Variants in IQCM observed in about 807,000 individuals in gnomAD.
The protein encoded by IQCM is IQ domain-containing protein M.
A neutral mutation model predicts 57.6 loss-of-function variants in IQCM; 45 were observed. The observed-to-expected ratio is 0.78, with a 90% CI of 0.62 to 1.00. IQCM has a LOEUF of 1.00. Among genes scored for constraint, IQCM ranks in the 50% least tolerant of loss-of-function variants. The pLI is 0.00. For missense variants in IQCM, 468 were observed against 511.6 expected (o/e 0.91, Z 0.82); for synonymous variants, 148 against 158.9 (o/e 0.93, Z 0.51).
chr4:149,593,493 G>A (rs189549770), intron 8 of IQCM, among the ~76,000 whole-genome samples: 178 of 152,168 alleles, frequency 1.2e-3, no homozygotes, highest in African/African-American at 4.0e-3. Flanking sequence ...CCAACACTAT[G>A]TTGAATAAGA....
rs888857639 is a variant in IQCM at position 149,357,455 on chromosome 4, GA to G, written c.1391-5390del. Among the ~76,000 whole-genome samples, 390 of 152,238 alleles carry G rather than the reference GA, an allele frequency of 2.6e-3. 3 individuals are homozygous for G. Among genetic ancestry groups the G allele is most frequent in the African/African-American group, 6.4e-3 (267 of 41,540 alleles). ...ATTTATTGAGAGTTTTTAGCATGAA[GA>G]GTTGTTAAATTTTGTCAAAGGCCTT... On this transcript the variant is annotated intron_variant, in intron 13 of 13. Coordinates refer to ENST00000636793, the MANE Select transcript of IQCM (RefSeq NM_001363507.2).
At chr4:149,539,487 A>G (rs1747637438) in intron 12 of IQCM, among the ~76,000 whole-genome samples, 1 of 152,186 alleles carries the variant, frequency 6.6e-6, no homozygotes, top group Non-Finnish European at 1.5e-5. Context: ...ACACCAATGC[A>G]CATTTACTAA....
At chr4:149,471,352 A>C (rs1485855912) in intron 12 of IQCM, among the ~76,000 whole-genome samples, 1 of 152,238 alleles carries the variant, frequency 6.6e-6, no homozygotes, top group African/African-American at 2.4e-5. Flanking sequence ...CTACACAAAT[A>C]AACTAGAAAA....
At chr4:149,452,275 G>C (rs955131830) in intron 12 of IQCM, among the ~76,000 whole-genome samples, 1 of 151,074 alleles carries the variant, frequency 6.6e-6, no homozygotes, top group African/African-American at 2.4e-5. Context: ...TCCCCAAATT[G>C]ATCTACAGAT....
intron 13 of IQCM, among the ~76,000 whole-genome samples, chr4:149,380,902 T>C (rs1731032736): frequency 6.6e-6 from 1 of 152,132 alleles, no homozygotes; most frequent in Non-Finnish European, 1.5e-5. Flanking sequence ...CTATTTAAGG[T>C]TTAGTTGAGA....
At chr4:149,483,466 G>A (rs2149757720) in intron 12 of IQCM, among the ~76,000 whole-genome samples, 1 of 151,748 alleles carries the variant, frequency 6.6e-6, no homozygotes, top group South Asian at 2.1e-4. Flanking sequence ...TTTATGTTGA[G>A]TTTCCATTAC....
intron 13 of IQCM, among the ~76,000 whole-genome samples, chr4:149,408,585 T>G (rs558138228): frequency 2.6e-5 from 4 of 152,294 alleles, no homozygotes; most frequent in Non-Finnish European, 5.9e-5. Flanking sequence ...GAGGTGAGTC[T>G]TAAAGAACTT....
chr4:149,389,054 C>T (rs934606566), intron 13 of IQCM, among the ~76,000 whole-genome samples: 4 of 151,456 alleles, frequency 2.6e-5, no homozygotes, highest in Admixed American at 2.0e-4. Context: ...GTCAAGAAAC[C>T]ATTGCCTCAT....
At chr4:149,446,097 A>G (rs116720827) in intron 12 of IQCM, among the ~76,000 whole-genome samples, 4,357 of 151,876 alleles carry the variant, frequency 0.029, 175 homozygotes, top group African/African-American at 0.097. Context: ...ATATTCAAAC[A>G]TGTAATGTTT....
intron 9 of IQCM, among the ~76,000 whole-genome samples, chr4:149,583,323 A>G (rs1001870388): frequency 1.3e-5 from 2 of 151,600 alleles, no homozygotes; most frequent in Non-Finnish European, 3.0e-5. Context: ...TTATATCAAT[A>G]ATTAAAGCAA....
intron 12 of IQCM, among the ~76,000 whole-genome samples, chr4:149,451,233 A>C (rs1737087922): frequency 6.6e-6 from 1 of 151,712 alleles, no homozygotes; most frequent in Admixed American, 6.6e-5. Context: ...TAATGGGTAC[A>C]AAAAAATAAA....
chr4:149,387,023 G>T (rs1436760041), intron 13 of IQCM, among the ~76,000 whole-genome samples: 1 of 151,982 alleles, frequency 6.6e-6, no homozygotes, highest in Non-Finnish European at 1.5e-5. Flanking sequence ...AAATAGATAT[G>T]GATTCGATTA....
chr4:149,787,510 T>C (rs1317899883), intron 2 of IQCM, among the ~76,000 whole-genome samples: 1 of 152,076 alleles, frequency 6.6e-6, no homozygotes, highest in Non-Finnish European at 1.5e-5. Flanking sequence ...TGGAACAGGA[T>C]AGAGAACCTG....
chr4:149,774,859 T>G lies in IQCM; in HGVS notation c.-48-32120A>C, dbSNP rs1185545639. Among the ~76,000 whole-genome samples, 3 of 151,772 alleles carry G rather than the reference T, an allele frequency of 2.0e-5. No homozygotes were observed. The East Asian group carries it at 5.8e-4, about 29-fold the overall frequency. On this transcript the variant is annotated intron_variant, in intron 2 of 13. Transcript: ENST00000636793. Reference sequence around the variant, plus strand: ...AGGAAAGTATATATAAAAGAGAAGATAGAAAAATATGTTTTAATTTGTTTT... The same window carrying G: ...AGGAAAGTATATATAAAAGAGAAGAGAGAAAAATATGTTTTAATTTGTTTT...
At chr4:149,730,479 G>A (rs1012753377) in intron 5 of IQCM, among the ~76,000 whole-genome samples, 6 of 152,072 alleles carry the variant, frequency 3.9e-5, no homozygotes, top group Admixed American at 1.3e-4. Context: ...GTGTTGTTCA[G>A]TATCTAGTCT....
At chr4:149,427,650 A>C (rs991214197) in intron 13 of IQCM, among the ~76,000 whole-genome samples, 2 of 151,964 alleles carry the variant, frequency 1.3e-5, no homozygotes, top group Non-Finnish European at 2.9e-5. Flanking sequence ...ATATTGCAAT[A>C]GTTTTTATCT....
At chr4:149,682,556 A>G (rs1337819092) in intron 6 of IQCM, among the ~76,000 whole-genome samples, 1 of 151,128 alleles carries the variant, frequency 6.6e-6, no homozygotes, top group African/African-American at 2.4e-5. Context: ...CATGATTGAG[A>G]GAGCTTCAAT....
intron 2 of IQCM, among the ~76,000 whole-genome samples, chr4:149,772,990 A>C (rs961543141): frequency 6.6e-6 from 1 of 152,224 alleles, no homozygotes; most frequent in Non-Finnish European, 1.5e-5. Context: ...TGAGGGAAAA[A>C]ATTTAAGTGG....
intron 2 of IQCM, among the ~76,000 whole-genome samples, chr4:149,788,960 A>G (rs1485618323): frequency 6.6e-6 from 1 of 152,184 alleles, no homozygotes; most frequent in Non-Finnish European, 1.5e-5. Context: ...TCATGGAGGT[A>G]GAGAGTAGAA....
Sources: gnomAD v4.1 joint callset for allele counts (sites outside exome capture counted in the v4.1 genomes callset) on GRCh38, gnomAD v4.1.1 for gene constraint, MANE v1.5 for transcripts, NCBI Gene and HGNC (gene_info 2026-07-23, HGNC 2026-07-21) for gene names.